The following SNCAIP variants were observed in gnomAD, a reference collection of about 807,000 sequenced individuals.
SNCAIP encodes the protein synphilin-1.
In SNCAIP, 43 loss-of-function variants were observed where a neutral mutation model predicts 86.7. That is an observed-to-expected ratio of 0.50 (90% CI 0.39 to 0.64). The LOEUF (loss-of-function observed/expected upper bound fraction) is 0.64. Ranked by LOEUF, SNCAIP falls within the 30% of genes least tolerant of loss-of-function variation. SNCAIP has a pLI of 0.00. For missense variants in SNCAIP, 981 were observed against 1,103.1 expected (o/e 0.89, Z 1.57); for synonymous variants, 417 against 427.2 (o/e 0.98, Z 0.29).
At chr5:122,387,486 T>C (rs1344504344) in intron 1 of SNCAIP, among the ~76,000 whole-genome samples, 1 of 152,212 alleles carries the variant, frequency 6.6e-6, no homozygotes, top group South Asian at 2.1e-4. Context: ...CTGCCCTTTC[T>C]GGAAAGCGTA....
chr5:122,386,843 C>T (rs1297174277), intron 1 of SNCAIP, among the ~76,000 whole-genome samples: 2 of 151,732 alleles, frequency 1.3e-5, no homozygotes, highest in Non-Finnish European at 2.9e-5. Context: ...AATTAAAACA[C>T]ATAACATACC....
At chr5:122,352,355 C>T (rs905890322) in intron 1 of SNCAIP, among the ~76,000 whole-genome samples, 1 of 152,126 alleles carries the variant, frequency 6.6e-6, no homozygotes, top group East Asian at 1.9e-4. Context: ...ATTAGAGTTT[C>T]TATTGGGCTC....
At chr5:122,447,451 A>G (rs1782578184) in intron 8 of SNCAIP, among the ~76,000 whole-genome samples, 1 of 152,168 alleles carries the variant, frequency 6.6e-6, no homozygotes, top group African/African-American at 2.4e-5. Context: ...TTCCTTCTCC[A>G]TTCATACCTG....
chr5:122,432,833 A>G (rs116311145), intron 6 of SNCAIP, among the ~76,000 whole-genome samples: 1,665 of 152,312 alleles, frequency 0.011, 29 homozygotes, highest in African/African-American at 0.038. Flanking sequence ...TGGAACCACA[A>G]AATACCAATC....
chr5:122,418,126 G>C (rs553086921), intron 3 of SNCAIP, among the ~76,000 whole-genome samples: 2 of 152,260 alleles, frequency 1.3e-5, no homozygotes, highest in South Asian at 4.1e-4. Flanking sequence ...TGCAGGGAGA[G>C]TATGGTATAT....
rs1226472515 is a variant in SNCAIP, at chr5:122,463,926, TCC to T, written c.*433_*434del. The stretch of plus-strand genomic sequence containing the variant: ...TGCTAATGTTGATTGAACCTCCCTT[TCC>T]CCATAATGTGGGCAGATTTGGCTCA... On this transcript the variant is annotated 3_prime_UTR_variant, in exon 11 of 11. Transcript: ENST00000261368. 3 of 165,716 alleles carry T rather than the reference TCC, an allele frequency of 1.8e-5. No individual in the cohort carries two copies. Among genetic ancestry groups the T allele is most frequent in the Non-Finnish European group, 3.9e-5 (3 of 77,062 alleles). 10.3% of individuals were successfully genotyped at this position (165,716 alleles called of 1,614,324 possible).
chr5:122,440,644 T>C lies in SNCAIP; in HGVS notation c.1312T>C (p.Trp438Arg). Residue 438 changes from tryptophan to arginine, a missense_variant, in exon 7 of 11, where the codon TGG (tryptophan) becomes CGG (arginine). Trp to Arg is a moderately radical substitution (Grantham distance 101). Coordinates refer to ENST00000261368, the MANE Select transcript of SNCAIP (RefSeq NM_005460.4). The stretch of plus-strand genomic sequence containing the variant: ...GTGTTTATAGGAAAAGATTCTTCTG[T>C]GGCTTCTTCAGTTTATGCAAGAACA... ...GCYGQEKILL[W>R]LLQFMQEQGI... 6.2e-7 allele frequency: 1 copy of C among 1,613,922 alleles called. No individual in the cohort carries two copies. Among genetic ancestry groups the C allele is most frequent in the Non-Finnish European group, 8.5e-7 (1 of 1,179,770 alleles).
chr5:122,462,073 G>A (rs1218997955), intron 10 of SNCAIP, among the ~76,000 whole-genome samples: 2 of 152,162 alleles, frequency 1.3e-5, no homozygotes, highest in African/African-American at 2.4e-5. Context: ...TGTACACACA[G>A]TTTTGTTTCT....
chr5:122,316,036 G>GA (rs933306571), intron 1 of SNCAIP, among the ~76,000 whole-genome samples: 1 of 152,126 alleles, frequency 6.6e-6, no homozygotes, highest in Non-Finnish European at 1.5e-5. Context: ...TGGGGGAGGA[G>GA]AAAAATTCAG....
intron 3 of SNCAIP, among the ~76,000 whole-genome samples, chr5:122,416,649 T>C (rs1379107746): frequency 3.3e-5 from 5 of 152,196 alleles, no homozygotes; most frequent in Non-Finnish European, 5.9e-5. Flanking sequence ...CCATGCCTTC[T>C]TCCTACTGTC....
chr5:122,454,749 G>A (rs144097096), intron 10 of SNCAIP, among the ~76,000 whole-genome samples: 12 of 152,148 alleles, frequency 7.9e-5, no homozygotes, highest in African/African-American at 2.7e-4. Context: ...TCCTTGGGAA[G>A]GGGAAGAATA....
At chr5:122,388,558 A>G (rs1373506691) in intron 1 of SNCAIP, 1 of 152,180 alleles carries the variant, frequency 6.6e-6, no homozygotes, top group Admixed American at 6.6e-5. Context: ...CTTGTCACTG[A>G]TTCCTTAGAA....
intron 4 of SNCAIP, among the ~76,000 whole-genome samples, chr5:122,424,376 T>TAA (rs992650567): frequency 3.3e-5 from 5 of 152,198 alleles, no homozygotes; most frequent in African/African-American, 1.2e-4. Context: ...GAGCTAAACT[T>TAA]AAATAGCACT....
At chr5:122,387,057 G>T (rs749928238) in intron 1 of SNCAIP, among the ~76,000 whole-genome samples, 21 of 152,130 alleles carry the variant, frequency 1.4e-4, no homozygotes, top group Non-Finnish European at 2.9e-4. Context: ...AGGGCTGATG[G>T]CATGGGGGAG....
At chr5:122,371,483 T>A (rs1764255395) in intron 1 of SNCAIP, 1 of 152,126 alleles carries the variant, frequency 6.6e-6, no homozygotes, top group Non-Finnish European at 1.5e-5. Flanking sequence ...ACAACCATAT[T>A]TATTACTGTC....
At chr5:122,363,409 G>A (rs1297310882) in intron 1 of SNCAIP, among the ~76,000 whole-genome samples, 2 of 152,186 alleles carry the variant, frequency 1.3e-5, no homozygotes, top group Non-Finnish European at 2.9e-5. Context: ...CCCTGGAAGG[G>A]ACTTGGTCTA....
At chr5:122,358,871 A>C (rs997317426) in intron 1 of SNCAIP, among the ~76,000 whole-genome samples, 1 of 152,178 alleles carries the variant, frequency 6.6e-6, no homozygotes, top group African/African-American at 2.4e-5. Context: ...AATTGTTGCT[A>C]TGAACTTTTG....
chr5:122,430,062 T>C (rs1025678904), intron 5 of SNCAIP, among the ~76,000 whole-genome samples: 11 of 152,070 alleles, frequency 7.2e-5, no homozygotes, highest in African/African-American at 2.4e-4. Flanking sequence ...GAGAATAGAA[T>C]CTGCATGTGA....
At chr5:122,330,010 T>C (rs1315711492) in intron 1 of SNCAIP, among the ~76,000 whole-genome samples, 1 of 152,102 alleles carries the variant, frequency 6.6e-6, no homozygotes, top group Non-Finnish European at 1.5e-5. Context: ...ATGCCTTCTT[T>C]GTTTTAAGGA....
Sources: allele counts gnomAD v4.1 joint callset (sites outside exome capture counted in the v4.1 genomes callset), GRCh38; gene constraint gnomAD v4.1.1; transcripts MANE v1.5; gene names NCBI Gene and HGNC (gene_info 2026-07-23, HGNC 2026-07-21).